STIM2: variants seen among roughly 807,000 people sequenced by gnomAD.
STIM2 encodes stromal interaction molecule 2.
STIM2 carries 31 observed loss-of-function variants against 85.8 expected under a neutral mutation model. That is an observed-to-expected ratio of 0.36 (90% CI 0.27 to 0.49). STIM2 has a LOEUF of 0.49. STIM2 is among the 20% of genes least tolerant of loss of function. The pLI, the probability that STIM2 is intolerant of heterozygous loss-of-function variation, is 0.98. For missense variants in STIM2, 841 were observed against 927.6 expected (o/e 0.91, Z 1.21); for synonymous variants, 356 against 331.1 (o/e 1.08, Z -0.82).
chr4:27,018,071 T>G, intron 11 of STIM2, 87 bp downstream of exon 11: 1 of 1,549,134 alleles, frequency 6.5e-7, no homozygotes, highest in Non-Finnish European at 8.8e-7. Context: ...GGTGCATGTT[T>G]CCATTTTCTG....
chr4:26,906,445 T>C (rs1417096683), intron 1 of STIM2, among the ~76,000 whole-genome samples: 2 of 140,272 alleles, frequency 1.4e-5, no homozygotes, highest in Admixed American at 1.4e-4. Context: ...TGTTTGTTTT[T>C]TTTTTTTTTT....
At chr4:26,956,806 ATG>A in intron 2 of STIM2, among the ~76,000 whole-genome samples, 1 of 152,158 alleles carries the variant, frequency 6.6e-6, no homozygotes, top group African/African-American at 2.4e-5. Flanking sequence ...GCAGTATATT[ATG>A]CTGTTGAATA....
intron 3 of STIM2, among the ~76,000 whole-genome samples, chr4:26,989,299 G>T (rs1328983960): frequency 1.3e-5 from 2 of 152,092 alleles, no homozygotes; most frequent in Non-Finnish European, 2.9e-5. Context: ...AAGATGCAAG[G>T]ACTGTTCAAC....
At chr4:26,864,675 T>C (rs1031081538) in intron 1 of STIM2, among the ~76,000 whole-genome samples, 13 of 152,144 alleles carry the variant, frequency 8.5e-5, no homozygotes, top group Non-Finnish European at 1.6e-4. Flanking sequence ...TTCACTGATT[T>C]GGCATGTTAT....
intron 1 of STIM2, among the ~76,000 whole-genome samples, chr4:26,918,237 T>TC (rs1448942634): frequency 6.6e-6 from 1 of 151,884 alleles, no homozygotes; most frequent in Non-Finnish European, 1.5e-5. Flanking sequence ...ACTTTTTTTT[T>TC]TTTTTTTTTA....
intron 10 of STIM2, among the ~76,000 whole-genome samples, chr4:27,015,971 CATCTT>C (rs1344790689): frequency 6.6e-6 from 1 of 151,704 alleles, no homozygotes; most frequent in East Asian, 1.9e-4. Context: ...TTATATATTG[CATCTT>C]ATCTTCCACA....
intron 3 of STIM2, among the ~76,000 whole-genome samples, chr4:26,984,477 C>A (rs1395295316): frequency 2.0e-5 from 3 of 152,198 alleles, no homozygotes; most frequent in Non-Finnish European, 4.4e-5. Flanking sequence ...TCTCCTGCTT[C>A]AGCCTCCTGA....
chr4:26,901,646 AT>A (rs1723924342), intron 1 of STIM2, among the ~76,000 whole-genome samples: 1 of 152,080 alleles, frequency 6.6e-6, no homozygotes. Context: ...TTCTTTCTTT[AT>A]TTTTAAAATT....
At chr4:26,992,329 T>C (rs549707870) in intron 3 of STIM2, among the ~76,000 whole-genome samples, 3 of 152,222 alleles carry the variant, frequency 2.0e-5, no homozygotes, top group Admixed American at 6.5e-5. Context: ...AGAAGACTTA[T>C]ACTTTACTGA....
intron 1 of STIM2, among the ~76,000 whole-genome samples, chr4:26,878,352 C>A (rs960180885): frequency 1.3e-5 from 2 of 152,082 alleles, no homozygotes; most frequent in African/African-American, 4.8e-5. Context: ...GTACTTGGGA[C>A]AGAGAGTTTT....
intron 2 of STIM2, among the ~76,000 whole-genome samples, chr4:26,934,076 C>T (rs1017395644): frequency 2.0e-5 from 3 of 152,124 alleles, no homozygotes; most frequent in Non-Finnish European, 4.4e-5. Flanking sequence ...CGCCTGTAAT[C>T]CCAGCTACTT....
intron 2 of STIM2, among the ~76,000 whole-genome samples, chr4:26,920,886 C>T (rs781701706): frequency 1.2e-4 from 19 of 152,148 alleles, no homozygotes; most frequent in Non-Finnish European, 2.5e-4. Flanking sequence ...ACCTATTTCT[C>T]GATTCTTCTT....
chr4:27,017,574 C>T (rs1577500112), intron 10 of STIM2, 137 bp from the exon 11 acceptor site: 2 of 1,095,528 alleles, frequency 1.8e-6, no homozygotes, highest in African/African-American at 3.1e-5. Context: ...ATGGTAATAA[C>T]TGTACAGTAA....
rs573750625 is a variant in STIM2, at chr4:26,931,807, T to C, written c.282+12173T>C. ...AATTTCATGATTTGTTTAGTTAATA[T>C]AACGATACCATAAAAATAGAGACTT... On this transcript the variant is annotated intron_variant, in intron 2 of 11. Transcript: ENST00000467087. Among the ~76,000 whole-genome samples the C allele has an allele frequency of 2.6e-5, 4 of 152,308 alleles. No individual in the cohort carries two copies. The South Asian group carries it at 8.3e-4, about 32-fold the overall frequency.
rs367919507 is a variant in STIM2, at chr4:26,947,817, A to G, written c.283-9795A>G. ...TGTACTTTGCACACATGAAAAAAAA[A>G]TAATAAAAGTTGTTCCAGAGGCAAC... On this transcript the variant is annotated intron_variant, in intron 2 of 11. Transcript: ENST00000467087. Among the ~76,000 whole-genome samples, 181 of 151,854 alleles carry G rather than the reference A, an allele frequency of 1.2e-3. 1 individual carries two copies. The highest frequency in any genetic ancestry group is 4.2e-3 in the African/African-American group (175 of 41,204).
chr4:27,012,071 T>G (rs1280225853), intron 10 of STIM2, among the ~76,000 whole-genome samples: 2 of 152,120 alleles, frequency 1.3e-5, no homozygotes, highest in African/African-American at 4.8e-5. Context: ...TTGTCTCAGC[T>G]TCATTCCTGT....
chr4:26,874,857 G>A (rs888412755), intron 1 of STIM2, among the ~76,000 whole-genome samples: 1 of 152,190 alleles, frequency 6.6e-6, no homozygotes, highest in Non-Finnish European at 1.5e-5. Flanking sequence ...GGAGAAGTAG[G>A]AGAAAACTAA....
At chr4:26,993,399 C>G (rs1727834903) in intron 3 of STIM2, among the ~76,000 whole-genome samples, 1 of 152,036 alleles carries the variant, frequency 6.6e-6, no homozygotes, top group Non-Finnish European at 1.5e-5. Flanking sequence ...GTTACCACAT[C>G]TAGTTTTAAA....
rs917858066 is a variant in STIM2, at chr4:26,955,409, T to C, written c.283-2203T>C. Among the ~76,000 whole-genome samples the C allele has an allele frequency of 1.3e-5, 2 of 148,330 alleles. 1 individual carries two copies. The highest frequency in any genetic ancestry group is 5.1e-5 in the African/African-American group (2 of 38,892). On this transcript the variant is annotated intron_variant, in intron 2 of 11. Transcript: ENST00000467087. The stretch of plus-strand genomic sequence containing the variant: ...AACAGTTGCCATTTGTTCCAACTGA[T>C]TGGACCATTTCCAAGGCAGATTTCC...
Sources: gnomAD v4.1 joint callset for allele counts (sites outside exome capture counted in the v4.1 genomes callset) on GRCh38, gnomAD v4.1.1 for gene constraint, MANE v1.5 for transcripts, NCBI Gene and HGNC (gene_info 2026-07-23, HGNC 2026-07-21) for gene names.